The following PACSIN1 variants were observed in gnomAD, a reference collection of about 807,000 sequenced individuals.
PACSIN1 encodes protein kinase C and casein kinase substrate in neurons protein 1.
Under a neutral mutation model 59.5 loss-of-function variants are expected in PACSIN1, and 15 were observed. The observed-to-expected ratio is 0.25, with a 90% CI of 0.17 to 0.39. The LOEUF is 0.39. Ranked by LOEUF, PACSIN1 falls within the 10% of genes least tolerant of loss-of-function variation. The pLI, the probability that PACSIN1 is intolerant of heterozygous loss-of-function variation, is 1.00. For missense variants in PACSIN1, 420 were observed against 580.2 expected (o/e 0.72, Z 2.84); for synonymous variants, 210 against 220.6 (o/e 0.95, Z 0.42).
chr6:34,471,347 C>T (rs1236607631), intron 1 of PACSIN1, among the ~76,000 whole-genome samples: 1 of 152,268 alleles, frequency 6.6e-6, no homozygotes, highest in Admixed American at 6.5e-5. Flanking sequence ...GGGGAAGAAT[C>T]AATAGATACT....
At chr6:34,476,096 T>C (rs142712205) in intron 1 of PACSIN1, among the ~76,000 whole-genome samples, 167 of 152,306 alleles carry the variant, frequency 1.1e-3, no homozygotes, top group African/African-American at 3.8e-3. Context: ...ACACACACTT[T>C]GTCCTTGTCC....
intron 1 of PACSIN1, among the ~76,000 whole-genome samples, chr6:34,484,213 G>C (rs991571486): frequency 1.3e-5 from 2 of 152,160 alleles, no homozygotes; most frequent in African/African-American, 2.4e-5. Flanking sequence ...TCCTTCAATA[G>C]GCAAATGGTT....
At chr6:34,524,201 A>G (rs1032327645) in intron 1 of PACSIN1, among the ~76,000 whole-genome samples, 3 of 152,050 alleles carry the variant, frequency 2.0e-5, no homozygotes, top group Non-Finnish European at 4.4e-5. Context: ...GGTCTCAGCC[A>G]TTGGGTATTT....
Position 34,515,860 on chromosome 6 carries a change from C to T in PACSIN1, c.-63-10383C>T, listed in dbSNP as rs1245597110. Reference sequence around the variant, plus strand: ...CTGCTGGGGGAGCTCTTGGGCACTGCCACTGCGGAGGAGCCTCTGCCAGCT... The same window carrying T: ...CTGCTGGGGGAGCTCTTGGGCACTGTCACTGCGGAGGAGCCTCTGCCAGCT... On this transcript the variant is annotated intron_variant, in intron 1 of 9. Coordinates refer to ENST00000244458, the MANE Select transcript of PACSIN1 (RefSeq NM_020804.5). This position sits in a 1 kb window ranked among gnomAD's most constrained non-coding sequence, Gnocchi z 4.4. Among the ~76,000 whole-genome samples the T allele has an allele frequency of 2.0e-5, 3 of 152,132 alleles. No individual in the cohort carries two copies. The highest frequency in any genetic ancestry group is 7.2e-5 in the African/African-American group (3 of 41,420).
intron 1 of PACSIN1, among the ~76,000 whole-genome samples, chr6:34,484,004 A>G (rs1305117085): frequency 6.6e-6 from 1 of 152,050 alleles, no homozygotes; most frequent in African/African-American, 2.4e-5. Context: ...TCCTCCTAGT[A>G]TGAGCTCCTG....
In PACSIN1 at chr6:34,528,613, G is replaced by T. The variant is rs773412968; in HGVS notation, c.221-29G>T. ...GGGGCCTCTGGGCAGGGGCAATGAG[G>T]TTCTTGTGACCTATTGCCATTCCCT... On this transcript the variant is annotated intron_variant, in intron 3 of 9. Coordinates refer to ENST00000244458, the MANE Select transcript of PACSIN1 (RefSeq NM_020804.5). 5 of 1,554,318 alleles carry T rather than the reference G, an allele frequency of 3.2e-6. No homozygotes were observed. The African/African-American group carries it at 5.4e-5, about 17-fold the overall frequency.
At position 34,514,275 on chromosome 6, in the gene PACSIN1, G is replaced by A. The variant is rs75050224; in HGVS notation, c.-63-11968G>A. 5.4e-3 allele frequency among the ~76,000 whole-genome samples: 822 copies of A among 152,122 alleles called. 4 individuals carry two copies. Among genetic ancestry groups the A allele is most frequent in the Middle Eastern group, 0.014 (4 of 294 alleles). On this transcript the variant is annotated intron_variant, in intron 1 of 9. Transcript: ENST00000244458. The surrounding 1 kb of genome is among the most constrained non-coding windows in gnomAD (Gnocchi z 4.4). Reference sequence around the variant, plus strand: ...GAAGTGTCGGAACTGGCATCACAAGGTCTCGGTGCCGACAGCTAGCCCAGG... The same window carrying A: ...GAAGTGTCGGAACTGGCATCACAAGATCTCGGTGCCGACAGCTAGCCCAGG...
intron 1 of PACSIN1, among the ~76,000 whole-genome samples, chr6:34,490,548 C>T (rs75489661): frequency 7.2e-5 from 11 of 152,032 alleles, no homozygotes; most frequent in African/African-American, 1.9e-4. Flanking sequence ...TTCTGATGAC[C>T]GAGCGCCGCC....
intron 1 of PACSIN1, among the ~76,000 whole-genome samples, chr6:34,495,697 C>T (rs1766937844): frequency 6.6e-6 from 1 of 152,204 alleles, no homozygotes; most frequent in Admixed American, 6.5e-5. Context: ...AGGTGACCCG[C>T]CCACCTCGGC....
rs547490887 is a variant in PACSIN1, at chr6:34,519,645, A to T, written c.-63-6598A>T. 1.5e-3 allele frequency among the ~76,000 whole-genome samples: 224 copies of T among 152,144 alleles called. 2 individuals are homozygous for T. The highest frequency in any genetic ancestry group is 5.9e-3 in the Admixed American group (90 of 15,292). On this transcript the variant is annotated intron_variant, in intron 1 of 9. Coordinates refer to ENST00000244458, the MANE Select transcript of PACSIN1 (RefSeq NM_020804.5). Reference sequence around the variant, plus strand: ...GTTAACACCCATAATACTGCAGGTGAACTCTGGGCCTTCTGTGCACTGGGC... The same window carrying T: ...GTTAACACCCATAATACTGCAGGTGTACTCTGGGCCTTCTGTGCACTGGGC...
chr6:34,525,348 C>G lies in PACSIN1; in HGVS notation c.-63-895C>G, dbSNP rs965567293. On this transcript the variant is annotated intron_variant, in intron 1 of 9. Transcript: ENST00000244458. The surrounding 1 kb of genome is among the most constrained non-coding windows in gnomAD (Gnocchi z 4.9). ...GGAGGGACATCCTCCACCAACCATT[C>G]TTACGTGTTATTGCCCCTGCCCTGA... 6.6e-6 allele frequency among the ~76,000 whole-genome samples: 1 copy of G among 152,240 alleles called. No individual in the cohort carries two copies. The highest frequency in any genetic ancestry group is 1.5e-5 in the Non-Finnish European group (1 of 68,042).
Position 34,515,427 on chromosome 6 carries a change from C to A in PACSIN1, c.-63-10816C>A, listed in dbSNP as rs904097598. 6.6e-6 allele frequency among the ~76,000 whole-genome samples: 1 copy of A among 152,158 alleles called. No homozygotes were observed. The highest frequency in any genetic ancestry group is 2.1e-4 in the South Asian group (1 of 4,832). Reference sequence around the variant, plus strand: ...ACAGTCTGAAGCTAGACAGGGTATGCGGCAGAGGGCAGGGAGGAGTAAGGA... The same window carrying A: ...ACAGTCTGAAGCTAGACAGGGTATGAGGCAGAGGGCAGGGAGGAGTAAGGA... On this transcript the variant is annotated intron_variant, in intron 1 of 9. Transcript: ENST00000244458. The surrounding 1 kb of genome is among the most constrained non-coding windows in gnomAD (Gnocchi z 4.4).
chr6:34,489,250 A>G (rs1319626621), intron 1 of PACSIN1, among the ~76,000 whole-genome samples: 1 of 152,156 alleles, frequency 6.6e-6, no homozygotes, highest in Admixed American at 6.5e-5. Context: ...GAATGTCTAA[A>G]TCAAGCTAAT....
intron 1 of PACSIN1, among the ~76,000 whole-genome samples, chr6:34,471,528 T>C (rs760447364): frequency 2.6e-5 from 4 of 152,194 alleles, no homozygotes; most frequent in Non-Finnish European, 4.4e-5. Flanking sequence ...GTTTTCTCAT[T>C]TATGCAGGTG....
intron 1 of PACSIN1, among the ~76,000 whole-genome samples, chr6:34,483,383 T>C (rs889061443): frequency 6.6e-6 from 1 of 152,172 alleles, no homozygotes; most frequent in Non-Finnish European, 1.5e-5. Flanking sequence ...GACCTTGGGA[T>C]GTAGGACCAA....
chr6:34,520,570 G>A (rs371351078), intron 1 of PACSIN1, among the ~76,000 whole-genome samples: 1 of 152,314 alleles, frequency 6.6e-6, no homozygotes, highest in South Asian at 2.1e-4. Flanking sequence ...CTCATCTCTA[G>A]AACAGGGAAG....
intron 1 of PACSIN1, among the ~76,000 whole-genome samples, chr6:34,524,702 A>G (rs548362321): frequency 2.2e-4 from 34 of 152,358 alleles, no homozygotes; most frequent in African/African-American, 8.2e-4. Flanking sequence ...AATCTTGTGC[A>G]TCATCTGGCT....
rs540711761 is a variant in PACSIN1, at chr6:34,478,232, T to G, written c.-64+11962T>G. Among the ~76,000 whole-genome samples, 7 of 148,314 alleles carry G rather than the reference T, an allele frequency of 4.7e-5. No individual in the cohort carries two copies. In the East Asian group the frequency reaches 1.2e-3, roughly 26 times the overall value. On this transcript the variant is annotated intron_variant, in intron 1 of 9. Transcript: ENST00000244458. ...ATCCCACAGTGCCCAGCTAATTTTT[T>G]GTATTTTTAGTAGAGATGGGGTTTC...
At chr6:34,528,603 G>A (rs1313908761) in intron 3 of PACSIN1, 39 bp from the exon 4 acceptor site, 2 of 1,465,240 alleles carry the variant, frequency 1.4e-6, no homozygotes, top group Non-Finnish European at 9.6e-7. Flanking sequence ...CTCTGGGCAG[G>A]GGCAATGAGG....
Sources: allele counts gnomAD v4.1 joint callset (sites outside exome capture counted in the v4.1 genomes callset), GRCh38; gene constraint gnomAD v4.1.1; non-coding constraint Gnocchi (gnomAD v3.1); transcripts MANE v1.5; gene names NCBI Gene and HGNC (gene_info 2026-07-23, HGNC 2026-07-21).